The following TGM2 variants were observed in gnomAD, a reference collection of about 807,000 sequenced individuals.
The protein encoded by TGM2 is protein-glutamine gamma-glutamyltransferase 2.
A neutral mutation model predicts 75.6 loss-of-function variants in TGM2; 53 were observed. The observed-to-expected ratio is 0.70, with a 90% CI of 0.56 to 0.88. TGM2 has a LOEUF of 0.88. TGM2 is among the 40% of genes least tolerant of loss of function. The pLI is 0.00. For missense variants in TGM2, 842 were observed against 928.5 expected (o/e 0.91, Z 1.21); for synonymous variants, 374 against 381.1 (o/e 0.98, Z 0.22).
At chr20:38,153,524 C>CAAAAAA (rs1231793414) in intron 3 of TGM2, among the ~76,000 whole-genome samples, 1 of 63,850 alleles carries the variant, frequency 1.6e-5, no homozygotes, top group Non-Finnish European at 2.5e-5. Flanking sequence ...GCCTTGGTCT[C>CAAAAAA]AAAAAAAAGA....
At chr20:38,135,396 T>C (rs1029518448) in intron 10 of TGM2, among the ~76,000 whole-genome samples, 2 of 116,344 alleles carry the variant, frequency 1.7e-5, no homozygotes, top group Non-Finnish European at 3.7e-5. Flanking sequence ...TTGGACCTCC[T>C]AAATGTATAC....
At chr20:38,130,786 C>T (rs908750002) in intron 12 of TGM2, among the ~76,000 whole-genome samples, 1 of 152,170 alleles carries the variant, frequency 6.6e-6, no homozygotes, top group Non-Finnish European at 1.5e-5. Flanking sequence ...TGTGCATGCT[C>T]ATGTGTGGAC....
chr20:38,135,665 C>T (rs1023733447), intron 10 of TGM2, among the ~76,000 whole-genome samples: 3 of 152,046 alleles, frequency 2.0e-5, no homozygotes, highest in Non-Finnish European at 4.4e-5. Flanking sequence ...GGATGAGCAG[C>T]GAGGGCCGGG....
At chr20:38,132,259 T>G in intron 11 of TGM2, 81 bp downstream of exon 11, 1 of 1,512,192 alleles carries the variant, frequency 6.6e-7, no homozygotes, top group African/African-American at 1.4e-5. Flanking sequence ...GATGCAGGTG[T>G]GTGGGGTGGG....
At chr20:38,147,894 G>A (rs954350497) in intron 5 of TGM2, 67 bp downstream of exon 5, 18 of 1,564,406 alleles carry the variant, frequency 1.2e-5, no homozygotes, top group Non-Finnish European at 1.6e-5. Context: ...TGTCTCCACT[G>A]CGAGGGAGAG....
Position 38,138,352 on chromosome 20 carries a change from GC to G in TGM2, c.1375del (p.Ala459ArgfsTer4), listed in dbSNP as rs1489040576. 7 of 1,613,948 alleles carry G rather than the reference GC, an allele frequency of 4.3e-6. No homozygotes were observed. The highest frequency in any genetic ancestry group is 5.9e-6 in the Non-Finnish European group (7 of 1,180,020). ...SSEEREAFTR[A>X]NHLNKLAEKE... Reference sequence around the variant, plus strand: ...CTCGGCCAGTTTGTTCAGGTGGTTCGCCCTTGTGAAGGCCTCCCTCTCCTCT... The same window carrying G: ...CTCGGCCAGTTTGTTCAGGTGGTTCGCCTTGTGAAGGCCTCCCTCTCCTCT... On this transcript the variant is annotated frameshift_variant, in exon 10 of 13. Coordinates refer to ENST00000361475, the MANE Select transcript of TGM2 (RefSeq NM_004613.4). LOFTEE classifies it high-confidence loss of function.
intron 4 of TGM2, among the ~76,000 whole-genome samples, chr20:38,148,362 A>C (rs1288955112): frequency 8.5e-5 from 13 of 152,202 alleles, no homozygotes; most frequent in African/African-American, 2.4e-5. Context: ...AATCTGGAGC[A>C]GGAGCCCATG....
chr20:38,140,087 G>T (rs1304393217), intron 8 of TGM2, among the ~76,000 whole-genome samples: 2 of 152,266 alleles, frequency 1.3e-5, no homozygotes, highest in African/African-American at 4.8e-5. Context: ...TGTTAGCAAG[G>T]AGGACATCTG....
intron 11 of TGM2, among the ~76,000 whole-genome samples, chr20:38,132,127 G>T (rs1297052220): frequency 1.3e-5 from 2 of 152,078 alleles, no homozygotes; most frequent in African/African-American, 2.4e-5. Context: ...CTAACACTCT[G>T]GGATTTTCAG....
At chr20:38,164,680 C>T (rs1293742789) in intron 1 of TGM2, among the ~76,000 whole-genome samples, 3 of 152,074 alleles carry the variant, frequency 2.0e-5, no homozygotes, top group African/African-American at 7.2e-5. Context: ...AACGTGAGGG[C>T]GGGAAGAACA....
intron 8 of TGM2, among the ~76,000 whole-genome samples, chr20:38,140,149 A>G (rs1357992362): frequency 6.6e-6 from 1 of 152,252 alleles, no homozygotes; most frequent in Non-Finnish European, 1.5e-5. Context: ...GCATGGGGCC[A>G]GCCCCAGGGC....
At chr20:38,156,737 TC>T (rs2075193009) in intron 2 of TGM2, among the ~76,000 whole-genome samples, 1 of 152,038 alleles carries the variant, frequency 6.6e-6, no homozygotes, top group Non-Finnish European at 1.5e-5. Flanking sequence ...CCCCTCACCT[TC>T]CTACAGCCTT....
At chr20:38,163,187 C>T (rs962684064) in intron 1 of TGM2, among the ~76,000 whole-genome samples, 1 of 152,140 alleles carries the variant, frequency 6.6e-6, no homozygotes, top group Admixed American at 6.5e-5. Flanking sequence ...AAACAAATCT[C>T]ATAAACCTTG....
chr20:38,137,563 A>T (rs1341774346), intron 10 of TGM2, among the ~76,000 whole-genome samples: 1 of 152,238 alleles, frequency 6.6e-6, no homozygotes, highest in East Asian at 1.9e-4. Flanking sequence ...GCCATGCTGG[A>T]TAGGCGGTGC....
At chr20:38,167,140 A>G (rs2075318048), upstream of TGM2, among the ~76,000 whole-genome samples, 1 of 152,120 alleles carries the variant, frequency 6.6e-6, no homozygotes, top group Non-Finnish European at 1.5e-5. Context: ...TGGAAATATC[A>G]AGTATCCCAG....
At chr20:38,156,195 T>C in intron 2 of TGM2, 106 bp from the exon 3 acceptor site, 1 of 1,368,908 alleles carries the variant, frequency 7.3e-7, no homozygotes, top group Non-Finnish European at 9.9e-7. Context: ...GTTCTGCCAC[T>C]AACCACTGAA....
chr20:38,158,850 G>C (rs1390345863), intron 2 of TGM2, among the ~76,000 whole-genome samples: 1 of 152,148 alleles, frequency 6.6e-6, no homozygotes, highest in African/African-American at 2.4e-5. Context: ...GCCTTGAGCC[G>C]GGCGCTGACC....
chr20:38,133,998 G>A (rs1304419267), intron 10 of TGM2, among the ~76,000 whole-genome samples: 2 of 152,190 alleles, frequency 1.3e-5, no homozygotes, highest in Non-Finnish European at 2.9e-5. Flanking sequence ...GTGATGTGCT[G>A]TGGACTCTGA....
intron 1 of TGM2, among the ~76,000 whole-genome samples, chr20:38,161,974 G>A (rs912992862): frequency 1.3e-5 from 2 of 152,018 alleles, no homozygotes; most frequent in African/African-American, 4.8e-5. Context: ...CAGTGAGCTG[G>A]GACTATAGGT....
Sources: gnomAD v4.1 joint callset for allele counts (sites outside exome capture counted in the v4.1 genomes callset) on GRCh38, gnomAD v4.1.1 for gene constraint, MANE v1.5 for transcripts, NCBI Gene and HGNC (gene_info 2026-07-23, HGNC 2026-07-21) for gene names.